COL22A1: variants seen among roughly 807,000 people sequenced by gnomAD.
COL22A1 encodes the protein collagen type XXII alpha 1 chain.
COL22A1 carries 221 observed loss-of-function variants against 248.9 expected under a neutral mutation model. The ratio of observed to expected loss-of-function variants is 0.89; its 90% CI spans 0.80 to 0.99. COL22A1 has a LOEUF of 0.99. COL22A1 is among the 50% of genes least tolerant of loss of function. The pLI, the probability that COL22A1 is intolerant of heterozygous loss-of-function variation, is 0.00. For missense variants in COL22A1, 2,240 were observed against 2,179.0 expected, an observed-to-expected ratio of 1.03 and a Z score of -0.56; for synonymous variants, 891 against 793.4, an observed-to-expected ratio of 1.12 and a Z score of -2.07.
At chr8:138,686,789 T>C (rs1826393061) in intron 37 of COL22A1, among the ~76,000 whole-genome samples, 1 of 152,202 alleles carries the variant, frequency 6.6e-6, no homozygotes, top group African/African-American at 2.4e-5. Flanking sequence ...AGGTTACCAA[T>C]GTCCTACTTA....
At chr8:138,698,615 C>T (rs918259671) in intron 32 of COL22A1, among the ~76,000 whole-genome samples, 14 of 152,150 alleles carry the variant, frequency 9.2e-5, no homozygotes, top group Non-Finnish European at 1.9e-4. Flanking sequence ...GGTGCTGCCT[C>T]CTCATGCAGT....
rs565126114 is a variant in COL22A1, at chr8:138,684,341, C to T, written c.3012+84G>A. 1.7e-3 allele frequency: 1,499 copies of T among 867,308 alleles called. 7 individuals are homozygous for T. The highest frequency in any genetic ancestry group is 2.4e-3 in the Middle Eastern group (11 of 4,634). The allele number at this position is 867,308 out of a possible 1,614,324, so 53.7% of individuals were successfully genotyped here. Reference sequence around the variant, plus strand: ...AAACATGGAAGTGGACTGAGGTAACCGGAGATGCTTATAATCAATTTTTCC... The same window carrying T: ...AAACATGGAAGTGGACTGAGGTAACTGGAGATGCTTATAATCAATTTTTCC... On this transcript the variant is annotated intron_variant, in intron 39 of 64. Coordinates refer to ENST00000303045, the MANE Select transcript of COL22A1 (RefSeq NM_152888.3).
chr8:138,635,174 A>T, intron 48 of COL22A1, 111 bp from the exon 49 acceptor site: 1 of 841,060 alleles, frequency 1.2e-6, no homozygotes, highest in East Asian at 2.9e-5. Context: ...AACCCTACTA[A>T]CAATTTTGCT....
intron 17 of COL22A1, 33 bp from the exon 18 acceptor site, chr8:138,760,320 G>A (rs1833368822): frequency 1.9e-6 from 3 of 1,585,496 alleles, no homozygotes; most frequent in Non-Finnish European, 2.6e-6. Flanking sequence ...AGATTATGAT[G>A]GGCACTACGG....
chr8:138,774,556 C>T (rs1343001641), intron 16 of COL22A1, among the ~76,000 whole-genome samples: 5 of 151,714 alleles, frequency 3.3e-5, no homozygotes, highest in South Asian at 4.2e-4. Context: ...GTAGCTGGGA[C>T]TACAGGCGCC....
intron 11 of COL22A1, among the ~76,000 whole-genome samples, chr8:138,802,043 T>C (rs146416382): frequency 4.5e-4 from 68 of 152,344 alleles, no homozygotes; most frequent in African/African-American, 1.6e-3. Flanking sequence ...GGACAGGGAC[T>C]GACTGCACTC....
chr8:138,795,943 T>C (rs994319363), intron 12 of COL22A1, among the ~76,000 whole-genome samples: 2 of 152,190 alleles, frequency 1.3e-5, no homozygotes, highest in Non-Finnish European at 2.9e-5. Context: ...CTCTGAGCGA[T>C]GAATGACCTC....
At chr8:138,647,152 G>A (rs1283939904) in intron 46 of COL22A1, among the ~76,000 whole-genome samples, 2 of 152,042 alleles carry the variant, frequency 1.3e-5, no homozygotes, top group Admixed American at 6.5e-5. Flanking sequence ...CAGTTTCCAC[G>A]TCTTGATCTC....
chr8:138,623,586 T>A (rs1217396208), intron 52 of COL22A1, 146 bp downstream of exon 52: 6 of 611,224 alleles, frequency 9.8e-6, no homozygotes, highest in Non-Finnish European at 1.4e-5. Context: ...CAGCAGTGTT[T>A]ACTGTGCAGG....
At chr8:138,799,668 C>T (rs1455224557) in intron 11 of COL22A1, among the ~76,000 whole-genome samples, 2 of 152,204 alleles carry the variant, frequency 1.3e-5, no homozygotes, top group Admixed American at 1.3e-4. Flanking sequence ...GTCAAACTGT[C>T]TGCCTCTGCT....
intron 61 of COL22A1, among the ~76,000 whole-genome samples, chr8:138,597,682 G>T (rs529967527): frequency 6.6e-6 from 1 of 152,324 alleles, no homozygotes; most frequent in South Asian, 2.1e-4. Flanking sequence ...GGGTCTTACG[G>T]TGCTCATCTC....
intron 24 of COL22A1, among the ~76,000 whole-genome samples, chr8:138,724,894 G>A (rs1429134690): frequency 6.6e-6 from 1 of 152,180 alleles, no homozygotes; most frequent in African/African-American, 2.4e-5. Context: ...CCTATCCAAT[G>A]CCACCTGCCG....
chr8:138,862,906 T>C (rs1381563681), intron 3 of COL22A1, among the ~76,000 whole-genome samples: 1 of 152,102 alleles, frequency 6.6e-6, no homozygotes, highest in Non-Finnish European at 1.5e-5. Flanking sequence ...ATTAATGCAT[T>C]GAATCTTCAC....
intron 22 of COL22A1, among the ~76,000 whole-genome samples, chr8:138,743,897 G>C (rs1831899440): frequency 6.6e-6 from 1 of 152,192 alleles, no homozygotes; most frequent in Admixed American, 6.5e-5. Flanking sequence ...CAGCCAGGAT[G>C]AGTTAACAGA....
chr8:138,621,074 T>A (rs1819761708), intron 52 of COL22A1, among the ~76,000 whole-genome samples: 1 of 152,052 alleles, frequency 6.6e-6, no homozygotes, highest in Non-Finnish European at 1.5e-5. Context: ...CCCTCCCATA[T>A]ACAAACTTTG....
At chr8:138,750,581 T>C (rs1832513086) in intron 22 of COL22A1, among the ~76,000 whole-genome samples, 1 of 152,088 alleles carries the variant, frequency 6.6e-6, no homozygotes, top group Admixed American at 6.5e-5. Flanking sequence ...AGGCCATACG[T>C]GGAATGAGGG....
rs776125305 is a variant in COL22A1 at position 138,636,737 on chromosome 8, T to C, written c.3555+5A>G. On this transcript the variant is annotated splice_donor_5th_base_variant and intron_variant, in intron 48 of 64. Transcript: ENST00000303045. ...TGAATGGTTCCTTATAAAGTAAATT[T>C]TTACCTGATCACCTTTCTGCCCAAC... The C allele has an allele frequency of 1.5e-5, 24 of 1,611,056 alleles. No individual in the cohort carries two copies. The Admixed American group carries it at 3.8e-4, about 26-fold the overall frequency.
At chr8:138,633,421 C>T (rs1221771820) in intron 49 of COL22A1, among the ~76,000 whole-genome samples, 1 of 152,186 alleles carries the variant, frequency 6.6e-6, no homozygotes, top group African/African-American at 2.4e-5. Flanking sequence ...AGAGTTCTAA[C>T]TTATTGCAGC....
intron 62 of COL22A1, among the ~76,000 whole-genome samples, chr8:138,596,673 C>T (rs1817561224): frequency 6.6e-6 from 1 of 152,184 alleles, no homozygotes; most frequent in Admixed American, 6.5e-5. Flanking sequence ...ATAGTGAGCT[C>T]TCCTTCACTA....
Sources: gnomAD v4.1 joint callset for allele counts (sites outside exome capture counted in the v4.1 genomes callset) on GRCh38, gnomAD v4.1.1 for gene constraint, MANE v1.5 for transcripts, NCBI Gene and HGNC (gene_info 2026-07-23, HGNC 2026-07-21) for gene names.